The following ZNF536 variants were observed in gnomAD, a reference collection of about 807,000 sequenced individuals.
ZNF536 encodes the protein zinc finger protein 536.
A neutral mutation model predicts 84.5 loss-of-function variants in ZNF536; 13 were observed. The ratio of observed to expected loss-of-function variants is 0.15; its 90% CI spans 0.10 to 0.24. ZNF536 has a LOEUF of 0.24. ZNF536 is among the 10% of genes least tolerant of loss of function. ZNF536 has a pLI of 1.00. For synonymous variants in ZNF536, 811 were observed against 742.5 expected (o/e 1.09, Z -1.50); for missense variants, 1,536 against 1,747.5 (o/e 0.88, Z 2.16).
rs189589848 is a variant in ZNF536 at position 30,574,677 on chromosome 19, T to G, written c.169+25163T>G. Among the ~76,000 whole-genome samples the G allele has an allele frequency of 5.1e-3, 774 of 152,312 alleles. 8 individuals are homozygous for G. Among genetic ancestry groups the G allele is most frequent in the African/African-American group, 0.017 (717 of 41,574 alleles). ...TTAGCTTGAAGCCCATGTAATCCCATGCTGTGAAGAGCTCATGCCAGGCCA... is the reference window on the plus strand; with the variant it reads ...TTAGCTTGAAGCCCATGTAATCCCAGGCTGTGAAGAGCTCATGCCAGGCCA... On this transcript the variant is annotated intron_variant, in intron 1 of 1. Coordinates refer to the ZNF536 transcript ENST00000592773.
intron 2 of ZNF536, among the ~76,000 whole-genome samples, chr19:30,321,048 G>A (rs1371805907): frequency 1.3e-5 from 2 of 152,282 alleles, no homozygotes; most frequent in Non-Finnish European, 2.9e-5. Context: ...CGTCCCTTGG[G>A]CGTGGGGCCC....
intron 2 of ZNF536, among the ~76,000 whole-genome samples, chr19:30,294,549 ATGTGTGTG>A (rs55972417): frequency 0.014 from 2,079 of 145,588 alleles, 41 homozygotes; most frequent in African/African-American, 0.041. Context: ...AGGCCCCAAT[ATGTGTGTG>A]TGTGTGTGTG....
chr19:30,570,266 C>A (rs527567436), intron 1 of ZNF536, among the ~76,000 whole-genome samples: 8 of 152,288 alleles, frequency 5.3e-5, no homozygotes, highest in Admixed American at 4.6e-4. Flanking sequence ...CATCCTGTCA[C>A]CTTCAGACCT....
intron 1 of ZNF536, among the ~76,000 whole-genome samples, chr19:30,260,791 G>A (rs1381407900): frequency 6.6e-6 from 1 of 152,128 alleles, no homozygotes; most frequent in African/African-American, 2.4e-5. Context: ...GCAGGTACAA[G>A]CAAATGTGTG....
intron 3 of ZNF536, among the ~76,000 whole-genome samples, chr19:30,544,167 A>G (rs1329027827): frequency 6.6e-6 from 1 of 152,210 alleles, no homozygotes; most frequent in Non-Finnish European, 1.5e-5. Context: ...AGGAACTGGG[A>G]TGATCGGAAG....
intron 1 of ZNF536, among the ~76,000 whole-genome samples, chr19:30,572,902 A>T (rs2046602964): frequency 6.6e-6 from 1 of 152,226 alleles, no homozygotes; most frequent in African/African-American, 2.4e-5. Context: ...CAGGACTTTT[A>T]ATGGCCATAT....
chr19:30,598,043 C>A (rs1026908588), intron 1 of ZNF536, among the ~76,000 whole-genome samples: 17 of 152,088 alleles, frequency 1.1e-4, no homozygotes, highest in African/African-American at 3.6e-4. Context: ...TTGTTGTATG[C>A]ACATGTACAC....
chr19:30,483,069 C>G (rs1324522032), intron 2 of ZNF536, among the ~76,000 whole-genome samples: 3 of 152,224 alleles, frequency 2.0e-5, no homozygotes, highest in Non-Finnish European at 4.4e-5. Context: ...TCCCATCCTC[C>G]AGGCTCCAGC....
chr19:30,242,599 T>A, intron 1 of ZNF536, among the ~76,000 whole-genome samples: 1 of 152,184 alleles, frequency 6.6e-6, no homozygotes, highest in East Asian at 1.9e-4. Context: ...CCAAGGGGAT[T>A]TGTACTTTAC....
chr19:30,627,468 C>CAAAAAAAAAAAAAAAAAAAAAAAAAAA (rs569312789), intron 1 of ZNF536, among the ~76,000 whole-genome samples: 3 of 52,050 alleles, frequency 5.8e-5, no homozygotes, highest in Admixed American at 2.7e-4. Flanking sequence ...AAGGCCCTGT[C>CAAAAAAAAAAAAAAAAAAAAAAAAAAA]AAAAAAAAAA....
At chr19:30,655,207 A>C (rs1195001880) in intron 1 of ZNF536, among the ~76,000 whole-genome samples, 1 of 152,218 alleles carries the variant, frequency 6.6e-6, no homozygotes, top group African/African-American at 2.4e-5. Flanking sequence ...ACAGAGTAAA[A>C]TCAGCACTTA....
At position 30,579,933 on chromosome 19, in the gene ZNF536, G is replaced by C. The variant is rs532663924; in HGVS notation, c.169+30419G>C. Among the ~76,000 whole-genome samples, 9 of 152,296 alleles carry C rather than the reference G, an allele frequency of 5.9e-5. 1 individual carries two copies. The highest frequency in any genetic ancestry group is 2.2e-4 in the African/African-American group (9 of 41,570). On this transcript the variant is annotated intron_variant, in intron 1 of 1. Transcript: ENST00000592773. Reference sequence around the variant, plus strand: ...GAAAACTTCCTTTCTTCTTTCTGCTGGTAGACTCTTTTTAAGAAAGCTGTC... The same window carrying C: ...GAAAACTTCCTTTCTTCTTTCTGCTCGTAGACTCTTTTTAAGAAAGCTGTC...
At chr19:30,321,738 C>T (rs537648687) in intron 2 of ZNF536, among the ~76,000 whole-genome samples, 1 of 148,618 alleles carries the variant, frequency 6.7e-6, no homozygotes, top group Non-Finnish European at 1.5e-5. Context: ...GTCTACCTGG[C>T]TAATTTAATT....
chr19:30,546,158 C>A (rs959803880), intron 3 of ZNF536, among the ~76,000 whole-genome samples: 1 of 152,190 alleles, frequency 6.6e-6, no homozygotes, highest in Non-Finnish European at 1.5e-5. Context: ...GTGCCCCATC[C>A]CAGCCTGGCC....
At chr19:30,432,006 T>TATATATATATATATATATATATACACAC (rs149223384) in intron 1 of ZNF536, among the ~76,000 whole-genome samples, 6 of 146,062 alleles carry the variant, frequency 4.1e-5, no homozygotes, top group African/African-American at 1.3e-4. Flanking sequence ...TATATATATA[T>TATATATATATATATATATATATACACAC]ACACACACAC....
At chr19:30,693,986 C>T (rs2051545026) in intron 1 of ZNF536, among the ~76,000 whole-genome samples, 1 of 152,190 alleles carries the variant, frequency 6.6e-6, no homozygotes, top group African/African-American at 2.4e-5. Context: ...CCATATGGCC[C>T]CCCCAACCCA....
At chr19:30,583,284 G>A (rs1345601379) in intron 1 of ZNF536, among the ~76,000 whole-genome samples, 1 of 152,238 alleles carries the variant, frequency 6.6e-6, no homozygotes, top group Non-Finnish European at 1.5e-5. Flanking sequence ...GGGCCATGCT[G>A]TGTGATGCTG....
chr19:30,417,029 A>C (rs1474402751), intron 1 of ZNF536, among the ~76,000 whole-genome samples: 1 of 151,996 alleles, frequency 6.6e-6, no homozygotes, highest in Non-Finnish European at 1.5e-5. Flanking sequence ...ACTGGAGTGC[A>C]GTGACACAAT....
intron 1 of ZNF536, among the ~76,000 whole-genome samples, chr19:30,260,211 T>G (rs1385580406): frequency 6.6e-6 from 1 of 152,236 alleles, no homozygotes; most frequent in Non-Finnish European, 1.5e-5. Flanking sequence ...TTCTGGAGAA[T>G]GCCATCTCTC....
Sources: allele counts gnomAD v4.1 joint callset (sites outside exome capture counted in the v4.1 genomes callset), GRCh38; gene constraint gnomAD v4.1.1; transcripts MANE v1.5; gene names NCBI Gene and HGNC (gene_info 2026-07-23, HGNC 2026-07-21).